WWOX: variants seen among roughly 807,000 people sequenced by gnomAD.
The protein encoded by WWOX is WW domain containing oxidoreductase.
WWOX carries 69 observed loss-of-function variants against 46.2 expected under a neutral mutation model. The ratio of observed to expected loss-of-function variants is 1.49; its 90% confidence interval spans 1.23 to 1.82. The LOEUF is 1.82. Among genes scored for constraint, WWOX ranks in the 40% most tolerant of loss-of-function variants. The pLI is 0.00. For synonymous variants in WWOX, 359 were observed against 202.6 expected, an observed-to-expected ratio of 1.77 and a Z score of -6.56; for missense variants, 919 against 542.6, an observed-to-expected ratio of 1.69 and a Z score of -6.89.
chr16:78,156,719 T>A (rs1392022414), intron 4 of WWOX, among the ~76,000 whole-genome samples: 1 of 151,078 alleles, frequency 6.6e-6, no homozygotes, highest in Non-Finnish European at 1.5e-5. Flanking sequence ...AGGTTAGGAG[T>A]TCGAGAGCAG....
chr16:78,535,905 GA>G (rs2151519156), intron 8 of WWOX, among the ~76,000 whole-genome samples: 1 of 152,230 alleles, frequency 6.6e-6, no homozygotes, highest in East Asian at 1.9e-4. Flanking sequence ...GTGAAGTGGG[GA>G]TAATTTATTG....
chr16:78,566,723 G>T (rs2044578034), intron 8 of WWOX, among the ~76,000 whole-genome samples: 1 of 152,166 alleles, frequency 6.6e-6, no homozygotes, highest in Non-Finnish European at 1.5e-5. Context: ...ACCAAAGTGG[G>T]CTTTACTTCC....
intron 8 of WWOX, among the ~76,000 whole-genome samples, chr16:78,823,310 G>C (rs1223556423): frequency 1.3e-5 from 2 of 152,170 alleles, no homozygotes; most frequent in African/African-American, 4.8e-5. Flanking sequence ...AGGAAGAGAG[G>C]AGTTGATGAT....
chr16:78,408,857 T>A (rs1034441175), intron 6 of WWOX, among the ~76,000 whole-genome samples: 2 of 152,140 alleles, frequency 1.3e-5, no homozygotes, highest in Non-Finnish European at 2.9e-5. Flanking sequence ...GAGCCCCATC[T>A]CAGTGGACCA....
At chr16:78,709,270 C>T (rs530651418) in intron 8 of WWOX, among the ~76,000 whole-genome samples, 1 of 152,240 alleles carries the variant, frequency 6.6e-6, no homozygotes, top group African/African-American at 2.4e-5. Context: ...CTGCGGGAGA[C>T]AAAATAACAG....
At chr16:78,212,726 T>G (rs2036595707) in intron 5 of WWOX, among the ~76,000 whole-genome samples, 1 of 152,184 alleles carries the variant, frequency 6.6e-6, no homozygotes, top group Admixed American at 6.5e-5. Flanking sequence ...GGTCTGCCCT[T>G]GATAACTCAT....
intron 5 of WWOX, among the ~76,000 whole-genome samples, chr16:78,290,636 C>T (rs1205808392): frequency 1.3e-5 from 2 of 151,690 alleles, no homozygotes; most frequent in East Asian, 3.9e-4. Flanking sequence ...TGTAACTTGC[C>T]GTGTCGGACT....
intron 8 of WWOX, among the ~76,000 whole-genome samples, chr16:78,605,552 G>A (rs188684311): frequency 6.6e-6 from 1 of 152,064 alleles, no homozygotes; most frequent in East Asian, 1.9e-4. Flanking sequence ...TGGAAAATAT[G>A]CCCAGAGTTT....
intron 8 of WWOX, among the ~76,000 whole-genome samples, chr16:78,566,786 G>T (rs966164610): frequency 6.6e-6 from 1 of 152,154 alleles, no homozygotes; most frequent in African/African-American, 2.4e-5. Context: ...ACTGAGCACC[G>T]ATAGAGTACC....
At chr16:79,112,187 T>C (rs2049429504) in intron 8 of WWOX, among the ~76,000 whole-genome samples, 2 of 152,118 alleles carry the variant, frequency 1.3e-5, no homozygotes, top group South Asian at 4.2e-4. Flanking sequence ...AATTCTTCTT[T>C]CTTTGTAAGT....
intron 8 of WWOX, among the ~76,000 whole-genome samples, chr16:78,538,436 C>T (rs1045415135): frequency 5.9e-5 from 9 of 152,088 alleles, no homozygotes; most frequent in African/African-American, 2.2e-4. Flanking sequence ...GGTGTATGCA[C>T]TTCGGCCACG....
intron 8 of WWOX, among the ~76,000 whole-genome samples, chr16:78,733,192 A>G (rs895323819): frequency 6.6e-6 from 1 of 152,224 alleles, no homozygotes; most frequent in Non-Finnish European, 1.5e-5. Context: ...CTATAATACT[A>G]AAGTAAATAG....
At chr16:78,193,318 A>C (rs944176906) in intron 5 of WWOX, among the ~76,000 whole-genome samples, 3 of 152,258 alleles carry the variant, frequency 2.0e-5, no homozygotes, top group African/African-American at 7.2e-5. Context: ...CTTACCTTTC[A>C]GTAAAATAGC....
At chr16:78,412,183 T>TA (rs976106358) in intron 6 of WWOX, among the ~76,000 whole-genome samples, 11 of 152,266 alleles carry the variant, frequency 7.2e-5, no homozygotes, top group Admixed American at 7.2e-4. Flanking sequence ...TCATGGAGAC[T>TA]AAAGGAGAAG....
At chr16:78,847,033 C>T (rs1000670719) in intron 8 of WWOX, among the ~76,000 whole-genome samples, 3 of 152,158 alleles carry the variant, frequency 2.0e-5, no homozygotes, top group African/African-American at 4.8e-5. Flanking sequence ...GTTCCTGCAC[C>T]CTTTTGACAT....
chr16:78,254,502 G>GTTTTTTTTTTTTTTTTTTT lies in WWOX; in HGVS notation c.516+90230_516+90231insTTTTTTTTTTTTTTTTTTT, dbSNP rs59706959. Among the ~76,000 whole-genome samples the GTTTTTTTTTTTTTTTTTTT allele has an allele frequency of 1.2e-4, 11 of 91,648 alleles. 2 individuals carry two copies. Among genetic ancestry groups the GTTTTTTTTTTTTTTTTTTT allele is most frequent in the African/African-American group, 3.6e-4 (7 of 19,284 alleles). The allele number at this position is 91,648 out of a possible 152,430, so 60.1% of individuals were successfully genotyped here. On this transcript the variant is annotated intron_variant, in intron 5 of 8. Transcript: ENST00000566780. The stretch of plus-strand genomic sequence containing the variant: ...CACTTTTCTTTTTCTTTTCTTTCTT[G>GTTTTTTTTTTTTTTTTTTT]TTTTTTTTTTTTTTTTTGTTTGACA...
chr16:78,520,852 T>C (rs2043332735), intron 8 of WWOX, among the ~76,000 whole-genome samples: 1 of 152,108 alleles, frequency 6.6e-6, no homozygotes, highest in African/African-American at 2.4e-5. Flanking sequence ...AGGGGAGCCT[T>C]GGTTGTATCT....
At chr16:78,313,533 T>C (rs939063613) in intron 5 of WWOX, among the ~76,000 whole-genome samples, 5 of 152,110 alleles carry the variant, frequency 3.3e-5, no homozygotes, top group African/African-American at 1.2e-4. Context: ...ACCCAGCTAA[T>C]TTTTGTGTTT....
At chr16:78,950,005 C>T (rs555733728) in intron 8 of WWOX, among the ~76,000 whole-genome samples, 7 of 152,216 alleles carry the variant, frequency 4.6e-5, no homozygotes, top group Non-Finnish European at 1.0e-4. Flanking sequence ...GATGAGAGGA[C>T]TGAGGCTTGT....
Sources: allele counts gnomAD v4.1 joint callset (sites outside exome capture counted in the v4.1 genomes callset), GRCh38; gene constraint gnomAD v4.1.1; transcripts MANE v1.5; gene names NCBI Gene and HGNC (gene_info 2026-07-23, HGNC 2026-07-21).